AHNAK: variants seen among roughly 807,000 people sequenced by gnomAD.
AHNAK encodes the protein AHNAK nucleoprotein, also known as neuroblast differentiation-associated protein AHNAK.
A neutral mutation model predicts 37.8 loss-of-function variants in AHNAK; 23 were observed. That is an observed-to-expected ratio of 0.61 (90% CI 0.44 to 0.86). The LOEUF is 0.86. AHNAK is among the 40% of genes least tolerant of loss of function. The pLI is 0.00. For synonymous variants in AHNAK, 2,481 were observed against 2,636.3 expected (o/e 0.94, Z 1.80); for missense variants, 7,411 against 7,319.4 (o/e 1.01, Z -0.46).
chr11:62,528,040 A>G lies in AHNAK; in HGVS notation c.6377T>C (p.Leu2126Ser). The G allele has an allele frequency of 6.2e-7, 1 of 1,613,786 alleles. No homozygotes were observed. Among genetic ancestry groups the G allele is most frequent in the Non-Finnish European group, 8.5e-7 (1 of 1,179,948 alleles). ...ATCCCCTTTGACTTTGGGGCCTTTCAAGTGTAAGTCCACATCAGGCATGGA... is the reference window on the plus strand; with the variant it reads ...ATCCCCTTTGACTTTGGGGCCTTTCGAGTGTAAGTCCACATCAGGCATGGA... ...KISMPDVDLH[L>S]KGPKVKGDVD... is the part of the protein sequence containing the mutation. Residue 2126 changes from leucine to serine, a missense_variant, in exon 5 of 5, where the codon TTG (leucine) becomes TCG (serine). Physicochemically the swap from Leu to Ser is moderately radical, Grantham distance 145. Transcript: ENST00000378024.
At chr11:62,494,690 A>C (rs1387826845) in intron 4 of AHNAK, among the ~76,000 whole-genome samples, 1 of 152,002 alleles carries the variant, frequency 6.6e-6, no homozygotes, top group East Asian at 1.9e-4. Flanking sequence ...AACATGGCGA[A>C]ACCTTGTCTC....
intron 5 of AHNAK, among the ~76,000 whole-genome samples, chr11:62,459,853 C>T (rs1189745515): frequency 6.6e-6 from 1 of 152,124 alleles, no homozygotes; most frequent in East Asian, 1.9e-4. Flanking sequence ...CCACCAACAA[C>T]TCTTGGCCAG....
rs1229100680 is a variant in AHNAK at position 62,532,303 on chromosome 11, T to G, written c.2114A>C (p.His705Pro). ...TCCCTTCACCTTTGTACCTTTCACG[T>G]GCAAATCTACATCAGGCATGGAGAT... The part of the protein sequence containing the change: ...PKISMPDVDL[H>P]VKGTKVKGEY... The change falls in exon 5 of 5, where the codon CAC becomes CCC. Residue 705 changes from histidine (H) to proline (P), a missense_variant. Transcript: ENST00000378024. 3 of 1,614,062 alleles carry G rather than the reference T, an allele frequency of 1.9e-6. No homozygotes were observed.
At chr11:62,474,919 G>C (rs887864372) in intron 5 of AHNAK, among the ~76,000 whole-genome samples, 1 of 152,150 alleles carries the variant, frequency 6.6e-6, no homozygotes, top group Non-Finnish European at 1.5e-5. Flanking sequence ...TGACCTCAGA[G>C]GCTGGTGAGG....
At chr11:62,458,017 G>A (rs903063003) in intron 5 of AHNAK, among the ~76,000 whole-genome samples, 15 of 150,444 alleles carry the variant, frequency 1.0e-4, no homozygotes, top group African/African-American at 3.7e-4. Flanking sequence ...GGTTTCCAGC[G>A]ATTCTCCTGC....
chr11:62,524,040 A>T lies in AHNAK; in HGVS notation c.10377T>A (p.Asn3459Lys). The T allele has an allele frequency of 1.2e-6, 2 of 1,614,056 alleles. No homozygotes were observed. The highest frequency in any genetic ancestry group is 2.2e-5 in the South Asian group (2 of 91,036). The change falls in exon 5 of 5, where the codon AAT becomes AAA. Residue 3459 changes from asparagine to lysine, a missense_variant. Coordinates refer to ENST00000378024, the MANE Select transcript of AHNAK (RefSeq NM_001620.3). Reference sequence around the variant, plus strand: ...GACCATGAACATCCACATCAGGTGCATTAAGATTGACTTCTGGTGCCTTAA... The same window carrying T: ...GACCATGAACATCCACATCAGGTGCTTTAAGATTGACTTCTGGTGCCTTAA... Reference protein sequence around the residue: ...VDIKAPEVNLNAPDVDVHGPD... With the variant: ...VDIKAPEVNLKAPDVDVHGPD...
Position 62,480,795 on chromosome 11 carries a change from C to T in AHNAK, c.442+10937G>A, listed in dbSNP as rs1375281295. On this transcript the variant is annotated intron_variant, in intron 5 of 5. Transcript: ENST00000257247. ...GCTCTCTGCTATGCAAGGAATTCTG[C>T]GTGCAGTTAAAAAAAAAAAAAAAAA... Among the ~76,000 whole-genome samples the T allele has an allele frequency of 4.2e-5, 5 of 118,362 alleles. No homozygotes were observed. In the South Asian group the frequency reaches 1.1e-3, roughly 27 times the overall value. 77.7% of individuals were successfully genotyped at this position (118,362 alleles called of 152,430 possible).
At chr11:62,486,960 G>A (rs901677605) in intron 5 of AHNAK, among the ~76,000 whole-genome samples, 2 of 152,084 alleles carry the variant, frequency 1.3e-5, no homozygotes, top group Non-Finnish European at 2.9e-5. Flanking sequence ...CACTGAGTAA[G>A]GAGCGGCAGA....
intron 4 of AHNAK, among the ~76,000 whole-genome samples, chr11:62,494,166 C>G (rs1939565753): frequency 6.6e-6 from 1 of 152,040 alleles, no homozygotes; most frequent in Admixed American, 6.5e-5. Flanking sequence ...AGATTAATCC[C>G]ATCTCACTGA....
Position 62,527,206 on chromosome 11 carries a change from A to C in AHNAK, c.7211T>G (p.Val2404Gly), listed in dbSNP as rs374823519. The change falls in exon 5 of 5, where the codon GTG becomes GGG. Residue 2404 changes from valine (V) to glycine (G), a missense_variant. Coordinates refer to ENST00000378024, the MANE Select transcript of AHNAK (RefSeq NM_001620.3). The part of the protein sequence containing the change: ...HLKSPKAKGE[V>G]DVDVPKLEGD... The stretch of plus-strand genomic sequence containing the variant: ...TTCCAATTTGGGAACATCTACATCC[A>C]CCTCTCCTTTTGCCTTGGGGCTCTT... The C allele has an allele frequency of 1.2e-6, 2 of 1,611,214 alleles. No homozygotes were observed. The highest frequency in any genetic ancestry group is 3.4e-5 in the Admixed American group (2 of 59,652).
chr11:62,467,866 TCAGA>T (rs1390012631), intron 5 of AHNAK, among the ~76,000 whole-genome samples: 3 of 152,210 alleles, frequency 2.0e-5, no homozygotes, highest in African/African-American at 7.2e-5. Flanking sequence ...TGTCATTTTC[TCAGA>T]CAAATGGCTG....
intron 4 of AHNAK, among the ~76,000 whole-genome samples, chr11:62,495,732 C>CT (rs1211141250): frequency 1.1e-4 from 14 of 131,150 alleles, no homozygotes; most frequent in South Asian, 2.4e-4. Context: ...AGCGAGACTC[C>CT]GTCTCAAAAA....
In AHNAK at chr11:62,523,107, C is replaced by T. The variant is rs148112188; in HGVS notation, c.11310G>A (p.Met3770Ile). ...KGDVDVSLPK[M>I]EGDLKGPEVD... ...CTTCAGGACCCTTGAGGTCACCTTC[C>T]ATTTTGGGCAGAGAAACATCCACAT... The change falls in exon 5 of 5, where the codon ATG becomes ATA. Residue 3770 changes from methionine (M) to isoleucine (I), a missense_variant. Met to Ile is a conservative substitution (Grantham distance 10). Coordinates refer to ENST00000378024, the MANE Select transcript of AHNAK (RefSeq NM_001620.3). 2.5e-6 allele frequency: 4 copies of T among 1,613,938 alleles called. No homozygotes were observed. Among genetic ancestry groups the T allele is most frequent in the Non-Finnish European group, 3.4e-6 (4 of 1,180,004 alleles).
At chr11:62,450,564 G>A (rs1938514870) in intron 5 of AHNAK, among the ~76,000 whole-genome samples, 1 of 152,090 alleles carries the variant, frequency 6.6e-6, no homozygotes, top group Non-Finnish European at 1.5e-5. Flanking sequence ...CCAGACATAA[G>A]ACTTCACCAT....
chr11:62,445,843 C>A (rs1938413992), intron 5 of AHNAK, among the ~76,000 whole-genome samples: 1 of 152,112 alleles, frequency 6.6e-6, no homozygotes, highest in South Asian at 2.1e-4. Context: ...ATAGTGAAAT[C>A]CTGTCTCTAC....
At position 62,522,319 on chromosome 11, in the gene AHNAK, G is replaced by A. The variant is rs1163008131; in HGVS notation, c.12098C>T (p.Pro4033Leu). 6.2e-7 allele frequency: 1 copy of A among 1,613,256 alleles called. No homozygotes were observed. Among genetic ancestry groups the A allele is most frequent in the Non-Finnish European group, 8.5e-7 (1 of 1,179,878 alleles). Reference sequence around the variant, plus strand: ...TTTGGGGCCCTTGATGTCAACTTCAGGGGCCTTTAGATCACCTTCCATCTT... The same window carrying A: ...TTTGGGGCCCTTGATGTCAACTTCAAGGGCCTTTAGATCACCTTCCATCTT... Reference protein sequence around the residue: ...LPKMEGDLKAPEVDIKGPKVD... With the variant: ...LPKMEGDLKALEVDIKGPKVD... The change falls in exon 5 of 5, where the codon CCT becomes CTT. Residue 4033 changes from proline (P) to leucine (L), a missense_variant. By Grantham distance (98) the Pro-to-Leu change is moderately conservative. Coordinates refer to ENST00000378024, the MANE Select transcript of AHNAK (RefSeq NM_001620.3).
In AHNAK at chr11:62,523,851, C is replaced by G; in HGVS notation, c.10566G>C (p.Pro3522=). 6.2e-7 allele frequency: 1 copy of G among 1,614,068 alleles called. No individual in the cohort carries two copies. The highest frequency in any genetic ancestry group is 8.5e-7 in the Non-Finnish European group (1 of 1,180,008). The change falls in exon 5 of 5, where the codon CCG becomes CCC. Residue 3522 remains proline, a synonymous_variant. Transcript: ENST00000378024. Reference sequence around the variant, plus strand: ...ATTTGGGACCTTTCAAGCCTCCCTCCGGACCTTCCACATTGAGATCTGGGC... The same window carrying G: ...ATTTGGGACCTTTCAAGCCTCCCTCGGGACCTTCCACATTGAGATCTGGGC... ...IEGPDLNVEG[P]EGGLKGPKFK...
intron 5 of AHNAK, among the ~76,000 whole-genome samples, chr11:62,486,154 G>A (rs1939389073): frequency 6.6e-6 from 1 of 151,974 alleles, no homozygotes; most frequent in Non-Finnish European, 1.5e-5. Flanking sequence ...CTTATATGAG[G>A]TACCTAGAGT....
downstream of AHNAK, among the ~76,000 whole-genome samples, chr11:62,512,073 C>T (rs1590640575): frequency 6.6e-6 from 1 of 152,326 alleles, no homozygotes; most frequent in African/African-American, 2.4e-5. This position sits in a 1 kb window ranked among gnomAD's most constrained non-coding sequence, Gnocchi z 4.0. Context: ...TCTCAAACTC[C>T]CGAGCCCAGG....
Sources: gnomAD v4.1 joint callset for allele counts (sites outside exome capture counted in the v4.1 genomes callset) on GRCh38, gnomAD v4.1.1 for gene constraint, Gnocchi (gnomAD v3.1) non-coding constraint, MANE v1.5 for transcripts, NCBI Gene and HGNC (gene_info 2026-07-23, HGNC 2026-07-21) for gene names.